Variants in SH3RF2 observed in about 807,000 individuals in gnomAD.
SH3RF2 encodes E3 ubiquitin-protein ligase SH3RF2.
A neutral mutation model predicts 59.0 loss-of-function variants in SH3RF2; 43 were observed. The observed-to-expected ratio is 0.73, with a 90% confidence interval of 0.57 to 0.94. The LOEUF is 0.94. Ranked by LOEUF, SH3RF2 falls within the 40% of genes least tolerant of loss-of-function variation. The probability of loss-of-function intolerance (pLI) is 0.00; values close to 1 mark genes in which losing one functional copy is unlikely to be tolerated. For synonymous variants in SH3RF2, 391 were observed against 391.5 expected (o/e 1.00, Z 0.01); for missense variants, 930 against 940.1 (o/e 0.99, Z 0.14).
At chr5:145,965,436 C>T (rs1452863999) in intron 2 of SH3RF2, among the ~76,000 whole-genome samples, 2 of 151,940 alleles carry the variant, frequency 1.3e-5, no homozygotes, top group African/African-American at 2.4e-5. Context: ...TAAATCTGTT[C>T]GGAGCCATCA....
At chr5:145,995,932 G>A (rs1471015464) in intron 2 of SH3RF2, among the ~76,000 whole-genome samples, 1 of 152,124 alleles carries the variant, frequency 6.6e-6, no homozygotes, top group Non-Finnish European at 1.5e-5. Context: ...GTATGGGTAT[G>A]GGTGTATAAT....
At chr5:145,963,489 G>C (rs1417409701) in intron 2 of SH3RF2, among the ~76,000 whole-genome samples, 3 of 152,158 alleles carry the variant, frequency 2.0e-5, no homozygotes, top group Non-Finnish European at 4.4e-5. Context: ...CAATAAGTAA[G>C]AGTTCCAAAG....
In SH3RF2 at chr5:146,060,042, G is replaced by T; in HGVS notation, c.1732G>T (p.Gly578Trp). ...GATGGGGTCCAAGCCTGCCCTCACG[G>T]GGGAGCCCGCCCTCACGTGCATCAG... is the stretch of plus-strand genomic sequence containing the variant. ...VEMGSKPALT[G>W]EPALTCISRG... is the part of the protein sequence containing the mutation. Residue 578 changes from glycine to tryptophan, a missense_variant, in exon 9 of 10, where the codon GGG becomes TGG. By Grantham distance (184) the Gly-to-Trp change is radical (BLOSUM62 -2). Transcript: ENST00000359120. The T allele has an allele frequency of 6.2e-7, 1 of 1,613,048 alleles. No individual in the cohort carries two copies. Among genetic ancestry groups the T allele is most frequent in the Non-Finnish European group, 8.5e-7 (1 of 1,179,490 alleles).
At chr5:146,057,928 GTCTCTCTCTCTCTCTC>G (rs58826823) in intron 8 of SH3RF2, among the ~76,000 whole-genome samples, 1,365 of 133,226 alleles carry the variant, frequency 0.01, 39 homozygotes, top group African/African-American at 0.039. Context: ...GGCTGTTAGT[GTCTCTCTCTCTCTCTC>G]TCTCTCTCTC....
Position 146,000,208 on chromosome 5 carries a change from A to C in SH3RF2, c.529A>C (p.Ser177Arg). The C allele has an allele frequency of 6.2e-7, 1 of 1,613,634 alleles. No individual in the cohort carries two copies. Among genetic ancestry groups the C allele is most frequent in the Non-Finnish European group, 8.5e-7 (1 of 1,179,820 alleles). The change falls in exon 3 of 10, where the codon AGC (serine) becomes CGC (arginine). Residue 177 changes from serine to arginine, a missense_variant. Ser to Arg is a moderately radical substitution (Grantham distance 110). Coordinates refer to ENST00000359120, the MANE Select transcript of SH3RF2 (RefSeq NM_152550.4). ...INGISGNFPA[S>R]SVEVIKQLPQ... ...TGGCATCAGCGGGAACTTCCCAGCC[A>C]GCTCCGTGGAAGTCATCAAGCAGCT...
intron 5 of SH3RF2, among the ~76,000 whole-genome samples, chr5:146,024,006 C>T (rs1261975407): frequency 6.6e-6 from 1 of 152,222 alleles, no homozygotes; most frequent in Non-Finnish European, 1.5e-5. Context: ...ATCCACTCAT[C>T]AATGAATGAG....
chr5:146,015,075 T>C (rs1761052686), intron 5 of SH3RF2, among the ~76,000 whole-genome samples: 1 of 152,212 alleles, frequency 6.6e-6, no homozygotes, highest in Admixed American at 6.5e-5. Flanking sequence ...TAAGGAGCTG[T>C]AAATTTTGTT....
intron 2 of SH3RF2, among the ~76,000 whole-genome samples, chr5:145,946,175 G>A (rs1040462370): frequency 2.6e-5 from 4 of 152,230 alleles, no homozygotes; most frequent in African/African-American, 7.2e-5. Flanking sequence ...CTGTTCCTAA[G>A]TGCCTGCTAT....
At chr5:146,081,390 A>G (rs1027904948) in exon 10 of SH3RF2, 2 of 152,050 alleles carry the variant, frequency 1.3e-5, no homozygotes, top group African/African-American at 4.8e-5. Flanking sequence ...TTTTCAAAAA[A>G]CTATCCACAT....
At chr5:145,982,069 CAGA>C (rs1476693063) in intron 2 of SH3RF2, among the ~76,000 whole-genome samples, 8 of 152,288 alleles carry the variant, frequency 5.3e-5, no homozygotes, top group Middle Eastern at 6.8e-3. Flanking sequence ...GCTGTGTTTA[CAGA>C]AGATGATTAA....
chr5:145,958,618 T>A (rs2149952035), intron 2 of SH3RF2, among the ~76,000 whole-genome samples: 1 of 152,294 alleles, frequency 6.6e-6, no homozygotes, highest in South Asian at 2.1e-4. Flanking sequence ...TGGTCCGATA[T>A]CTTCTTATAC....
At position 146,009,322 on chromosome 5, in the gene SH3RF2, T is replaced by G. The variant is rs1760780426; in HGVS notation, c.745-4425T>G. ...ATGGAAGCTTCCCAGGCTCTTGTGA[T>G]CTGGCCCCTGCCTGTCTCTGTGGCC... On this transcript the variant is annotated intron_variant, in intron 4 of 9. Coordinates refer to ENST00000359120, the MANE Select transcript of SH3RF2 (RefSeq NM_152550.4). Among the ~76,000 whole-genome samples, 5 of 152,290 alleles carry G rather than the reference T, an allele frequency of 3.3e-5. 1 individual carries two copies. In the Middle Eastern group the frequency reaches 0.014, roughly 414 times the overall value.
chr5:146,029,514 G>A (rs142780466), intron 5 of SH3RF2, among the ~76,000 whole-genome samples: 2 of 152,112 alleles, frequency 1.3e-5, no homozygotes, highest in Non-Finnish European at 1.5e-5. Context: ...TCTGAGACTC[G>A]GTGATTCCAT....
At chr5:145,939,154 A>G (rs1275387774) in intron 2 of SH3RF2, among the ~76,000 whole-genome samples, 5 of 152,256 alleles carry the variant, frequency 3.3e-5, no homozygotes, top group Non-Finnish European at 7.3e-5. Flanking sequence ...TCTGGAAAGA[A>G]GGACATGGTC....
At chr5:146,032,123 T>A (rs1222865582) in intron 5 of SH3RF2, among the ~76,000 whole-genome samples, 1 of 152,242 alleles carries the variant, frequency 6.6e-6, no homozygotes, top group Non-Finnish European at 1.5e-5. Flanking sequence ...TTGGTTTTTG[T>A]TTTGTATATG....
At chr5:146,059,451 T>C (rs1762802221) in intron 8 of SH3RF2, among the ~76,000 whole-genome samples, 2 of 152,136 alleles carry the variant, frequency 1.3e-5, no homozygotes, top group South Asian at 4.1e-4. Context: ...CCTTTGTGTT[T>C]CTCAATGTCT....
At chr5:146,028,209 C>CACACAG (rs1491332228) in intron 5 of SH3RF2, among the ~76,000 whole-genome samples, 102 of 129,068 alleles carry the variant, frequency 7.9e-4, no homozygotes, top group African/African-American at 2.8e-3. Context: ...CACACACACA[C>CACACAG]AGAGATAATT....
chr5:146,063,538 G>A (rs1207246823), downstream of SH3RF2, among the ~76,000 whole-genome samples: 1 of 152,118 alleles, frequency 6.6e-6, no homozygotes, highest in Non-Finnish European at 1.5e-5. Flanking sequence ...ATGGGGTTAG[G>A]GTTTAGATAT....
In SH3RF2 at chr5:146,076,436, C is replaced by T. The variant is rs889386791; in HGVS notation, c.*34-2024C>T. On this transcript the variant is annotated intron_variant, in intron 9 of 9. Coordinates refer to the SH3RF2 transcript ENST00000511217. ...GAGGCAGGATATGTCTAAGGCAGAC[C>T]GCCTTCCTTTTGAGGGCTAAAATTG... Among the ~76,000 whole-genome samples, 6 of 152,154 alleles carry T rather than the reference C, an allele frequency of 3.9e-5. No homozygotes were observed. In the East Asian group the frequency reaches 7.7e-4, roughly 20 times the overall value.
Sources: allele counts gnomAD v4.1 joint callset (sites outside exome capture counted in the v4.1 genomes callset), GRCh38; gene constraint gnomAD v4.1.1; transcripts MANE v1.5; gene names NCBI Gene and HGNC (gene_info 2026-07-23, HGNC 2026-07-21).